SNTA1: variants seen among roughly 807,000 people sequenced by gnomAD.
SNTA1 encodes the protein syntrophin alpha 1, also known as alpha-1-syntrophin.
SNTA1 carries 31 observed loss-of-function variants against 47.1 expected under a neutral mutation model. The ratio of observed to expected loss-of-function variants is 0.66; its 90% CI spans 0.49 to 0.89. SNTA1 has a LOEUF of 0.89. SNTA1 is among the 40% of genes least tolerant of loss of function. The pLI is 0.00. For synonymous variants in SNTA1, 300 were observed against 313.6 expected, an observed-to-expected ratio of 0.96 and a Z score of 0.46; for missense variants, 575 against 693.0, an observed-to-expected ratio of 0.83 and a Z score of 1.91.
chr20:33,436,359 TG>T (rs1050010779), intron 2 of SNTA1, among the ~76,000 whole-genome samples: 1 of 152,202 alleles, frequency 6.6e-6, no homozygotes, highest in Non-Finnish European at 1.5e-5. Flanking sequence ...GACATTTCGA[TG>T]AATGTCAGTG....
intron 6 of SNTA1, among the ~76,000 whole-genome samples, chr20:33,409,280 T>C (rs1989678669): frequency 6.6e-6 from 1 of 152,184 alleles, no homozygotes; most frequent in Non-Finnish European, 1.5e-5. Context: ...GTATTCATTG[T>C]TAACCTGAAA....
At chr20:33,420,202 G>T (rs947413788) in intron 2 of SNTA1, among the ~76,000 whole-genome samples, 1 of 152,080 alleles carries the variant, frequency 6.6e-6, no homozygotes, top group African/African-American at 2.4e-5. Flanking sequence ...GGGATTACAG[G>T]CATGAACCAC....
At chr20:33,417,270 T>G (rs766093019) in intron 3 of SNTA1, among the ~76,000 whole-genome samples, 3 of 152,104 alleles carry the variant, frequency 2.0e-5, no homozygotes, top group Non-Finnish European at 4.4e-5. Context: ...GGTTTCAGTA[T>G]TATCAATGAA....
chr20:33,428,577 A>C (rs1285843480), intron 2 of SNTA1, among the ~76,000 whole-genome samples: 1 of 151,026 alleles, frequency 6.6e-6, no homozygotes, highest in Non-Finnish European at 1.5e-5. Flanking sequence ...TCTCGTTGGT[A>C]ATTTTTTTTT....
Position 33,408,481 on chromosome 20 carries a change from T to C in SNTA1, c.*26A>G, listed in dbSNP as rs373039698. On this transcript the variant is annotated 3_prime_UTR_variant, in exon 8 of 8. Transcript: ENST00000217381. ...TCAGGCCATGTCATGGACACCCCTCTTCAGGGCTAGTGCATCCGGCGACTT... is the reference window on the plus strand; with the variant it reads ...TCAGGCCATGTCATGGACACCCCTCCTCAGGGCTAGTGCATCCGGCGACTT... 28 of 1,553,040 alleles carry C rather than the reference T, an allele frequency of 1.8e-5. No individual in the cohort carries two copies. Among genetic ancestry groups the C allele is most frequent in the Non-Finnish European group, 2.5e-5 (28 of 1,124,502 alleles).
Position 33,412,698 on chromosome 20 carries a change from A to C in SNTA1, c.786T>G (p.Thr262=). Residue 262 remains threonine (T), a synonymous_variant, in exon 4 of 8, where the codon ACT becomes ACG. Transcript: ENST00000217381. ...GAGTATTGACCTGGGCTTGGATGGC[A>C]GTCGCCCACGACCTCGCACTAGCCT... ...KDEASARSWA[T]AIQAQVNTLT... is the part of the protein sequence containing the mutation. The C allele has an allele frequency of 6.2e-7, 1 of 1,613,742 alleles. No homozygotes were observed. Among genetic ancestry groups the C allele is most frequent in the South Asian group, 1.1e-5 (1 of 91,060 alleles).
At chr20:33,440,193 C>T (rs187848690) in intron 1 of SNTA1, among the ~76,000 whole-genome samples, 12 of 149,226 alleles carry the variant, frequency 8.0e-5, no homozygotes, top group East Asian at 4.0e-4. Context: ...TGGTGGCTCA[C>T]GCCTGTAATC....
chr20:33,408,994 G>A, intron 6 of SNTA1, 106 bp from the exon 7 acceptor site: 1 of 976,064 alleles, frequency 1.0e-6, no homozygotes, highest in Non-Finnish European at 1.6e-6. Flanking sequence ...ATGCCTCCAG[G>A]GATGGGAGGC....
chr20:33,441,817 T>C (rs556533735), intron 1 of SNTA1, among the ~76,000 whole-genome samples: 1 of 152,308 alleles, frequency 6.6e-6, no homozygotes, highest in East Asian at 1.9e-4. Context: ...TGGAATTCTG[T>C]ATGAATAAGT....
intron 2 of SNTA1, among the ~76,000 whole-genome samples, chr20:33,438,611 G>C (rs1990500076): frequency 6.6e-6 from 1 of 152,196 alleles, no homozygotes; most frequent in African/African-American, 2.4e-5. Context: ...TACACAGCTA[G>C]TGACTGGAAG....
At chr20:33,427,763 G>T (rs555051259) in intron 2 of SNTA1, among the ~76,000 whole-genome samples, 2 of 152,070 alleles carry the variant, frequency 1.3e-5, no homozygotes, top group East Asian at 3.9e-4. Flanking sequence ...TCATGAATAG[G>T]GGCTGCTAAA....
At chr20:33,419,349 C>T (rs1989963063) in intron 2 of SNTA1, among the ~76,000 whole-genome samples, 1 of 152,138 alleles carries the variant, frequency 6.6e-6, no homozygotes, top group Non-Finnish European at 1.5e-5. Context: ...TGGCCCACCT[C>T]CCTGGAAGAA....
chr20:33,440,952 G>C (rs1050463390), intron 1 of SNTA1, among the ~76,000 whole-genome samples: 1 of 152,226 alleles, frequency 6.6e-6, no homozygotes, highest in Non-Finnish European at 1.5e-5. Context: ...CAAAGTCCAG[G>C]CTGGAAACCA....
At chr20:33,415,375 G>A (rs1331253966) in intron 3 of SNTA1, among the ~76,000 whole-genome samples, 1 of 152,204 alleles carries the variant, frequency 6.6e-6, no homozygotes, top group African/African-American at 2.4e-5. Flanking sequence ...GGCCCTTCCG[G>A]GCCGGGCATG....
intron 2 of SNTA1, among the ~76,000 whole-genome samples, chr20:33,434,446 G>C (rs575789703): frequency 2.9e-4 from 44 of 152,238 alleles, no homozygotes; most frequent in Non-Finnish European, 5.7e-4. Context: ...AAAACATGAA[G>C]GCCACATTCT....
At chr20:33,437,945 C>G (rs1454678428) in intron 2 of SNTA1, among the ~76,000 whole-genome samples, 2 of 152,244 alleles carry the variant, frequency 1.3e-5, no homozygotes, top group Non-Finnish European at 2.9e-5. Context: ...GCCATTCAAC[C>G]AAGGTTCCTC....
At position 33,412,700 on chromosome 20, in the gene SNTA1, T is replaced by G. The variant is rs200316080; in HGVS notation, c.784A>C (p.Thr262Pro). 2.5e-4 allele frequency: 399 copies of G among 1,613,692 alleles called. No homozygotes were observed. Among genetic ancestry groups the G allele is most frequent in the Non-Finnish European group, 2.7e-4 (317 of 1,179,962 alleles). Residue 262 changes from threonine (T) to proline (P), a missense_variant, in exon 4 of 8, where the codon ACT becomes CCT. Coordinates refer to ENST00000217381, the MANE Select transcript of SNTA1 (RefSeq NM_003098.3). ...KDEASARSWA[T>P]AIQAQVNTLT... ...GTATTGACCTGGGCTTGGATGGCAG[T>G]CGCCCACGACCTCGCACTAGCCTCA...
intron 1 of SNTA1, among the ~76,000 whole-genome samples, chr20:33,442,334 A>T (rs1990598849): frequency 1.3e-5 from 2 of 152,142 alleles, no homozygotes; most frequent in Admixed American, 1.3e-4. Flanking sequence ...CAAGGTGGAG[A>T]CAAAGGCTGA....
intron 2 of SNTA1, among the ~76,000 whole-genome samples, chr20:33,431,470 G>A (rs1458974521): frequency 1.3e-5 from 2 of 150,528 alleles, no homozygotes; most frequent in African/African-American, 2.4e-5. Flanking sequence ...GGGAAGGGCC[G>A]GGCACGGTGG....
Sources: gnomAD v4.1 joint callset for allele counts (sites outside exome capture counted in the v4.1 genomes callset) on GRCh38, gnomAD v4.1.1 for gene constraint, MANE v1.5 for transcripts, NCBI Gene and HGNC (gene_info 2026-07-23, HGNC 2026-07-21) for gene names.